The following NBAS variants were observed in gnomAD, a reference collection of about 807,000 sequenced individuals.
NBAS encodes NAG/BC035112 fusion.
A neutral mutation model predicts 302.5 loss-of-function variants in NBAS; 219 were observed. The observed-to-expected ratio is 0.72, with a 90% confidence interval of 0.65 to 0.81. NBAS has a LOEUF of 0.81. NBAS is among the 30% of genes least tolerant of loss of function. The pLI, the probability that NBAS is intolerant of heterozygous loss-of-function variation, is 0.00. For missense variants in NBAS, 2,932 were observed against 2,841.6 expected (o/e 1.03, Z -0.72); for synonymous variants, 1,118 against 1,021.6 (o/e 1.09, Z -1.80).
chr2:15,186,393 T>G (rs1040820018), intron 50 of NBAS, among the ~76,000 whole-genome samples: 1 of 152,040 alleles, frequency 6.6e-6, no homozygotes, highest in East Asian at 1.9e-4. Context: ...AGTGCTAAAG[T>G]TTACTATTAC....
intron 14 of NBAS, among the ~76,000 whole-genome samples, 185 bp from the exon 15 acceptor site, chr2:15,474,509 A>T (rs1486476372): frequency 1.3e-5 from 2 of 152,142 alleles, no homozygotes; most frequent in African/African-American, 4.8e-5. Flanking sequence ...AGAAATATGC[A>T]CATACATTAT....
At chr2:15,309,982 T>C (rs1047593906) in intron 38 of NBAS, among the ~76,000 whole-genome samples, 1 of 152,230 alleles carries the variant, frequency 6.6e-6, no homozygotes, top group Non-Finnish European at 1.5e-5. Context: ...GTAATCACAA[T>C]ATGAATCCTT....
the NBAS span, among the ~76,000 whole-genome samples, chr2:14,861,411 T>G: frequency 1.3e-5 from 2 of 152,218 alleles, no homozygotes; most frequent in African/African-American, 4.8e-5. Flanking sequence ...GCATGTGAAT[T>G]GAGAGACAAA....
At chr2:15,234,423 C>A in intron 46 of NBAS, 122 bp downstream of exon 46, 3 of 977,034 alleles carry the variant, frequency 3.1e-6, no homozygotes, top group Non-Finnish European at 4.8e-6. Flanking sequence ...TAAAAATAAT[C>A]TCTCACTTTT....
intron 44 of NBAS, among the ~76,000 whole-genome samples, chr2:15,246,957 G>A (rs147484223): frequency 0.025 from 3,771 of 152,250 alleles, 80 homozygotes; most frequent in Non-Finnish European, 0.035. Context: ...CCCTCAGAAG[G>A]GCCACTCTGC....
chr2:15,002,584 G>A, the NBAS span, among the ~76,000 whole-genome samples: 2 of 152,194 alleles, frequency 1.3e-5, no homozygotes, highest in Admixed American at 1.3e-4. Context: ...GTGGAGCAGG[G>A]GGTGGCACTC....
chr2:15,093,937 TC>T, the NBAS span, among the ~76,000 whole-genome samples: 1 of 152,214 alleles, frequency 6.6e-6, no homozygotes, highest in Non-Finnish European at 1.5e-5. Context: ...TCATAATACT[TC>T]ACAGATGTAA....
chr2:15,180,948 G>A (rs529431313), intron 50 of NBAS, among the ~76,000 whole-genome samples: 19 of 152,184 alleles, frequency 1.2e-4, no homozygotes, highest in African/African-American at 4.1e-4. Context: ...TACTTCCTCC[G>A]CAAAAGCACC....
chr2:15,484,135 C>T (rs1680533043), intron 12 of NBAS, among the ~76,000 whole-genome samples: 1 of 152,160 alleles, frequency 6.6e-6, no homozygotes, highest in Non-Finnish European at 1.5e-5. Context: ...AACTGTATTA[C>T]ACCTCTCAGT....
the NBAS span, among the ~76,000 whole-genome samples, chr2:14,979,504 T>C: frequency 6.6e-6 from 1 of 152,208 alleles, no homozygotes; most frequent in East Asian, 1.9e-4. Context: ...TTGTTAATAG[T>C]ACTTTACAGA....
chr2:15,488,815 T>C, intron 12 of NBAS, 79 bp downstream of exon 12: 1 of 1,564,752 alleles, frequency 6.4e-7, no homozygotes, highest in East Asian at 2.3e-5. Context: ...TGTACTATAG[T>C]AAAATATCAA....
Position 15,478,292 on chromosome 2 carries a change from A to G in NBAS, c.1084-3T>C. The G allele has an allele frequency of 6.2e-7, 1 of 1,606,020 alleles. No homozygotes were observed. Among genetic ancestry groups the G allele is most frequent in the South Asian group, 1.1e-5 (1 of 90,906 alleles). ...GGATTAAGGTCATCATAGCCTGGCT[A>G]AATATGAAAATAATGACTTCCTGAG... On this transcript the variant is annotated splice_polypyrimidine_tract_variant and splice_region_variant and intron_variant, in intron 12 of 51. Transcript: ENST00000281513.
the NBAS span, among the ~76,000 whole-genome samples, chr2:15,002,926 C>T: frequency 3.9e-4 from 59 of 152,368 alleles, no homozygotes; most frequent in African/African-American, 1.3e-3. Context: ...CCCTCCACAC[C>T]TCCCTGCAAG....
intron 23 of NBAS, among the ~76,000 whole-genome samples, chr2:15,424,011 G>C (rs566742396): frequency 5.3e-5 from 8 of 152,240 alleles, no homozygotes; most frequent in African/African-American, 1.9e-4. Flanking sequence ...ATGTAGACAC[G>C]ATCTTTTAAA....
intron 31 of NBAS, among the ~76,000 whole-genome samples, chr2:15,373,819 T>G (rs112066351): frequency 6.6e-6 from 1 of 152,108 alleles, no homozygotes. Flanking sequence ...TCTCAAATAT[T>G]TCCAGACTTA....
chr2:15,203,999 C>G (rs62121511), intron 48 of NBAS, among the ~76,000 whole-genome samples: 6,368 of 151,700 alleles, frequency 0.042, 180 homozygotes, highest in Middle Eastern at 0.068. Flanking sequence ...TGGCTCATGT[C>G]TATAATGCAT....
rs759469243 is a variant in NBAS at position 15,417,795 on chromosome 2, T to G, written c.2578-83A>C. The G allele has an allele frequency of 2.3e-6, 3 of 1,285,396 alleles. No individual in the cohort carries two copies. The East Asian group carries it at 7.6e-5, about 32-fold the overall frequency. 79.6% of individuals were successfully genotyped at this position (1,285,396 alleles called of 1,614,324 possible). On this transcript the variant is annotated intron_variant, in intron 23 of 51. Coordinates refer to ENST00000281513, the MANE Select transcript of NBAS (RefSeq NM_015909.4). ...AAGTAAAAGTCTCCAGTACAGAATC[T>G]AATTCTTATAATCATTTTTTATAAA...
chr2:15,089,897 T>C, the NBAS span, among the ~76,000 whole-genome samples: 121,764 of 151,828 alleles, frequency 0.8, 48,936 homozygotes, highest in East Asian at 0.91. Context: ...TACAGGCATG[T>C]GCCATCACAC....
At chr2:14,996,718 T>C in the NBAS span, among the ~76,000 whole-genome samples, 1 of 152,326 alleles carries the variant, frequency 6.6e-6, no homozygotes, top group Middle Eastern at 3.4e-3. Flanking sequence ...TCTTTCTGCC[T>C]TCCAAAGGGC....
Sources: allele counts gnomAD v4.1 joint callset (sites outside exome capture counted in the v4.1 genomes callset), GRCh38; gene constraint gnomAD v4.1.1; transcripts MANE v1.5; gene names NCBI Gene and HGNC (gene_info 2026-07-23, HGNC 2026-07-21).